The following HDAC8 variants were observed in gnomAD, a reference collection of about 807,000 sequenced individuals.
The protein encoded by HDAC8 is histone deacetylase-like 1.
HDAC8 carries 1 observed loss-of-function variant against 32.2 expected under a neutral mutation model. The ratio of observed to expected loss-of-function variants is 0.03; its 90% CI spans 0.01 to 0.15. The LOEUF (loss-of-function observed/expected upper bound fraction) is 0.15, where lower values mean the gene tolerates loss of function less well. Ranked by LOEUF, HDAC8 falls within the 10% of genes least tolerant of loss-of-function variation. The pLI, the probability that HDAC8 is intolerant of heterozygous loss-of-function variation, is 1.00. For missense variants in HDAC8, 117 were observed against 300.0 expected (o/e 0.39, Z 4.51); for synonymous variants, 108 against 113.9 (o/e 0.95, Z 0.33).
At chrX:72,525,813 C>CAAA (rs57801277) in intron 4 of HDAC8, among the ~76,000 whole-genome samples, 1,057 of 21,325 alleles carry the variant, frequency 0.05, 226 homozygotes, top group Middle Eastern at 0.15. Context: ...GACTCTGTCT[C>CAAA]AAAAAAAAAA....
chrX:72,458,075 C>A (rs1282773296), intron 9 of HDAC8, among the ~76,000 whole-genome samples: 4 of 111,965 alleles, frequency 3.6e-5, no homozygotes, highest in African/African-American at 9.7e-5. Flanking sequence ...GACTATAGAA[C>A]ATTTTTATAC....
At chrX:72,384,147 C>G (rs781991682) in intron 9 of HDAC8, among the ~76,000 whole-genome samples, 3 of 111,842 alleles carry the variant, frequency 2.7e-5, no homozygotes, top group Non-Finnish European at 3.8e-5. Context: ...TATCTCCAGT[C>G]ATGTCCCTCT....
intron 9 of HDAC8, among the ~76,000 whole-genome samples, chrX:72,370,673 T>C (rs1470685414): frequency 2.7e-5 from 3 of 112,161 alleles, no homozygotes; most frequent in African/African-American, 9.7e-5. Context: ...GGGAGTTTAT[T>C]AAGTATTAAC....
intron 5 of HDAC8, among the ~76,000 whole-genome samples, chrX:72,491,763 G>A (rs782682058): frequency 9.0e-6 from 1 of 111,580 alleles, no homozygotes; most frequent in East Asian, 2.8e-4. Flanking sequence ...ACCCTCACAA[G>A]CCTCTACGTA....
intron 4 of HDAC8, among the ~76,000 whole-genome samples, chrX:72,541,477 A>G (rs2050706584): frequency 8.9e-6 from 1 of 112,439 alleles, no homozygotes; most frequent in South Asian, 3.7e-4. Context: ...TCTGAGTGGA[A>G]CAGGGAGCCA....
In HDAC8 at chrX:72,436,528, G is replaced by C. The variant is rs190594432; in HGVS notation, c.1005+25476C>G. 2.0e-3 allele frequency among the ~76,000 whole-genome samples: 225 copies of C among 109,784 alleles called. 1 individual carries two copies. Among genetic ancestry groups the C allele is most frequent in the Non-Finnish European group, 2.9e-3 (151 of 52,646 alleles). The stretch of plus-strand genomic sequence containing the variant: ...GGAAATCAAGACATTCTCAGATGAA[G>C]GAAGACGAAAAGAACTTATCAGCAG... On this transcript the variant is annotated intron_variant, in intron 9 of 10. Transcript: ENST00000373573.
chrX:72,373,621 T>C (rs1489817201), intron 9 of HDAC8, among the ~76,000 whole-genome samples: 5 of 112,540 alleles, frequency 4.4e-5, no homozygotes, highest in Admixed American at 9.4e-5. Flanking sequence ...GATGGACATT[T>C]GGGTTGATTC....
intron 9 of HDAC8, among the ~76,000 whole-genome samples, chrX:72,423,373 T>C (rs2046545527): frequency 9.0e-6 from 1 of 111,538 alleles, no homozygotes; most frequent in African/African-American, 3.3e-5. Flanking sequence ...CACATACCAC[T>C]CTTTTAGCTG....
chrX:72,364,656 T>G (rs782707180), intron 9 of HDAC8, among the ~76,000 whole-genome samples: 1 of 111,584 alleles, frequency 9.0e-6, no homozygotes, highest in Admixed American at 9.5e-5. Flanking sequence ...TTTAGAGGCA[T>G]TGAATTTTGT....
chrX:72,449,502 C>A (rs2047515764), intron 9 of HDAC8, among the ~76,000 whole-genome samples: 1 of 110,164 alleles, frequency 9.1e-6, no homozygotes, highest in African/African-American at 3.3e-5. Context: ...GGTGCGGCAA[C>A]CACCATGGCA....
intron 6 of HDAC8, among the ~76,000 whole-genome samples, chrX:72,490,206 G>A (rs2048817260): frequency 9.1e-6 from 1 of 109,922 alleles, no homozygotes; most frequent in African/African-American, 3.3e-5. Flanking sequence ...GATTCCTCAG[G>A]GATCTAGAAC....
At chrX:72,537,903 T>A in intron 4 of HDAC8, among the ~76,000 whole-genome samples, 1 of 111,711 alleles carries the variant, frequency 9.0e-6, no homozygotes, top group East Asian at 2.8e-4. Context: ...CTAATGATTA[T>A]CAGAAGAAAA....
chrX:72,446,661 T>C (rs1476152561), intron 9 of HDAC8, among the ~76,000 whole-genome samples: 1 of 110,058 alleles, frequency 9.1e-6, no homozygotes, highest in Non-Finnish European at 1.9e-5. Context: ...ATTGTGCACA[T>C]GTACCCTAAA....
intron 9 of HDAC8, among the ~76,000 whole-genome samples, chrX:72,411,069 A>G (rs1357977359): frequency 1.2e-5 from 1 of 83,409 alleles, no homozygotes; most frequent in Non-Finnish European, 2.1e-5. Flanking sequence ...TCTGTTGCCC[A>G]GACTGGAGTG....
At position 72,346,520 on chromosome X, in the gene HDAC8, CG is replaced by C. The variant is rs781979989; in HGVS notation, c.1111+5212del. Among the ~76,000 whole-genome samples, 3 of 112,123 alleles carry C rather than the reference CG, an allele frequency of 2.7e-5. No homozygotes were observed. In the East Asian group the frequency reaches 8.4e-4, roughly 31 times the overall value. On this transcript the variant is annotated intron_variant, in intron 10 of 10. Transcript: ENST00000373573. ...CTAGCCCCTAGAAGGATGCCAATCC[CG>C]GATGTCAGGCTGCCAGAGGAAGTGC... is the stretch of plus-strand genomic sequence containing the variant.
chrX:72,354,659 A>G (rs2044277649), intron 9 of HDAC8, among the ~76,000 whole-genome samples: 1 of 111,922 alleles, frequency 8.9e-6, no homozygotes, highest in South Asian at 3.7e-4. Context: ...TGTCTCAGGT[A>G]AGCTTCATTT....
intron 7 of HDAC8, among the ~76,000 whole-genome samples, chrX:72,480,000 C>G (rs5912136): frequency 0.46 from 51,218 of 110,881 alleles, 10,992 homozygotes; most frequent in African/African-American, 0.84. Flanking sequence ...AAAGTAGGAA[C>G]AATAAATGAA....
At chrX:72,418,422 A>G (rs946877691) in intron 9 of HDAC8, among the ~76,000 whole-genome samples, 1 of 112,016 alleles carries the variant, frequency 8.9e-6, no homozygotes, top group Non-Finnish European at 1.9e-5. Context: ...GCTAACAAAC[A>G]TAGGAAAAAA....
intron 9 of HDAC8, among the ~76,000 whole-genome samples, chrX:72,445,410 C>G (rs1168865264): frequency 8.9e-6 from 1 of 111,772 alleles, no homozygotes; most frequent in African/African-American, 3.3e-5. Context: ...TTTGACAAAC[C>G]TGACAAAAAC....
Sources: gnomAD v4.1 joint callset for allele counts (sites outside exome capture counted in the v4.1 genomes callset) on GRCh38, gnomAD v4.1.1 for gene constraint, MANE v1.5 for transcripts, NCBI Gene and HGNC (gene_info 2026-07-23, HGNC 2026-07-21) for gene names.